Variants in CUL2 observed in about 807,000 individuals in gnomAD.
The protein encoded by CUL2 is cullin 2.
Under a neutral mutation model 110.2 loss-of-function variants are expected in CUL2, and 22 were observed. That is an observed-to-expected ratio of 0.20 (90% CI 0.14 to 0.28). The LOEUF is 0.28. Ranked by LOEUF, CUL2 falls within the 10% of genes least tolerant of loss-of-function variation. The pLI is 1.00. For missense variants in CUL2, 631 were observed against 905.5 expected (o/e 0.70, Z 3.89); for synonymous variants, 279 against 293.2 (o/e 0.95, Z 0.49).
intron 2 of CUL2, among the ~76,000 whole-genome samples, chr10:35,070,874 A>C (rs1273245350): frequency 6.6e-6 from 1 of 152,204 alleles, no homozygotes; most frequent in Non-Finnish European, 1.5e-5. Flanking sequence ...TCTTCTTGAA[A>C]GCAATGACAT....
chr10:35,059,373 C>T (rs1259272957), intron 4 of CUL2, among the ~76,000 whole-genome samples: 1 of 152,146 alleles, frequency 6.6e-6, no homozygotes, highest in Admixed American at 6.5e-5. Flanking sequence ...CAACCACCAC[C>T]ATGATCAGTC....
chr10:35,016,834 G>A (rs1321123968), intron 17 of CUL2, among the ~76,000 whole-genome samples: 1 of 151,064 alleles, frequency 6.6e-6, no homozygotes, highest in Non-Finnish European at 1.5e-5. Flanking sequence ...GGCTGAGGCA[G>A]GAAAATCACT....
chr10:35,044,919 G>T, intron 6 of CUL2, 51 bp from the exon 7 acceptor site: 2 of 1,385,004 alleles, frequency 1.4e-6, no homozygotes, highest in Non-Finnish European at 2.0e-6. Flanking sequence ...ATTATCTATG[G>T]AAATATACCC....
At chr10:35,032,311 T>A in intron 12 of CUL2, 124 bp downstream of exon 12, 1 of 762,716 alleles carries the variant, frequency 1.3e-6, no homozygotes, top group Non-Finnish European at 2.2e-6. Flanking sequence ...ATATACAATG[T>A]AGATAATTTT....
chr10:35,110,521 C>T (rs2087512283), intron 1 of CUL2, among the ~76,000 whole-genome samples: 2 of 152,270 alleles, frequency 1.3e-5, no homozygotes, highest in Admixed American at 1.3e-4. Flanking sequence ...GCTAAGATCA[C>T]ACCACTGCAC....
At chr10:35,047,444 A>G (rs1222675314) in intron 6 of CUL2, among the ~76,000 whole-genome samples, 3 of 150,086 alleles carry the variant, frequency 2.0e-5, no homozygotes, top group African/African-American at 7.5e-5. Context: ...CCCCGTCTCC[A>G]CTAAAAAAAA....
chr10:35,119,242 G>C (rs1236411082), intron 1 of CUL2, among the ~76,000 whole-genome samples: 1 of 152,172 alleles, frequency 6.6e-6, no homozygotes, highest in African/African-American at 2.4e-5. Context: ...GAGGAGGTAA[G>C]GCTCAGTTTC....
intron 1 of CUL2, among the ~76,000 whole-genome samples, chr10:35,080,347 T>C (rs1162748550): frequency 6.6e-6 from 1 of 152,212 alleles, no homozygotes; most frequent in African/African-American, 2.4e-5. Context: ...GCAATGTTTT[T>C]TGTTGCACTA....
At chr10:35,067,743 C>CA (rs758160456) in intron 2 of CUL2, among the ~76,000 whole-genome samples, 2,350 of 115,924 alleles carry the variant, frequency 0.02, 67 homozygotes, top group African/African-American at 0.061. Flanking sequence ...GACCCTGCCA[C>CA]AAAAAAAAAA....
At chr10:35,079,001 C>T (rs546471159) in intron 1 of CUL2, among the ~76,000 whole-genome samples, 1 of 152,230 alleles carries the variant, frequency 6.6e-6, no homozygotes, top group East Asian at 1.9e-4. Context: ...TGAGAAAATA[C>T]TGAAGACCCA....
chr10:35,089,306 A>G (rs1208269023), intron 1 of CUL2, among the ~76,000 whole-genome samples: 1 of 152,250 alleles, frequency 6.6e-6, no homozygotes, highest in East Asian at 1.9e-4. Flanking sequence ...AAGGAATGTA[A>G]GATTCTAAAG....
In CUL2 at chr10:35,010,303, G is replaced by A; in HGVS notation, c.*8C>T. 1 of 1,602,758 alleles carries A rather than the reference G, an allele frequency of 6.2e-7. No individual in the cohort carries two copies. The highest frequency in any genetic ancestry group is 1.1e-5 in the South Asian group (1 of 89,524). On this transcript the variant is annotated 3_prime_UTR_variant, in exon 21 of 21. Coordinates refer to ENST00000374749, the MANE Select transcript of CUL2 (RefSeq NM_003591.4). Reference sequence around the variant, plus strand: ...GATCTTCTCACACCACGCTGGAGGAGAGCGACATCACGCGACGTAGCTGTA... The same window carrying A: ...GATCTTCTCACACCACGCTGGAGGAAAGCGACATCACGCGACGTAGCTGTA...
chr10:35,041,855 T>C (rs2085798621), intron 8 of CUL2, among the ~76,000 whole-genome samples: 1 of 152,156 alleles, frequency 6.6e-6, no homozygotes, highest in Admixed American at 6.6e-5. Context: ...GCTTTTCTAA[T>C]AAACATTCTT....
intron 2 of CUL2, among the ~76,000 whole-genome samples, chr10:35,097,100 G>A (rs1406477117): frequency 1.3e-5 from 2 of 152,092 alleles, no homozygotes; most frequent in African/African-American, 4.8e-5. Flanking sequence ...GTGAGCCACC[G>A]TGCCCAGCCT....
At chr10:35,044,109 GAACTT>G (rs2085874283) in intron 8 of CUL2, among the ~76,000 whole-genome samples, 1 of 133,180 alleles carries the variant, frequency 7.5e-6, no homozygotes, top group South Asian at 2.5e-4. Context: ...AGCCTTTCAA[GAACTT>G]AACAGACCAA....
intron 1 of CUL2, among the ~76,000 whole-genome samples, chr10:35,108,318 G>A (rs2087487987): frequency 6.6e-6 from 1 of 151,852 alleles, no homozygotes; most frequent in Non-Finnish European, 1.5e-5. Flanking sequence ...TTAGTGGGGT[G>A]TTGTGGTGTG....
At chr10:35,108,580 G>A (rs2087492106) in intron 1 of CUL2, among the ~76,000 whole-genome samples, 1 of 152,214 alleles carries the variant, frequency 6.6e-6, no homozygotes, top group Admixed American at 6.5e-5. Flanking sequence ...AATTGAGGTA[G>A]GAGGAAGTTA....
At chr10:35,103,368 AG>A (rs1302183890) in intron 1 of CUL2, among the ~76,000 whole-genome samples, 1 of 123,710 alleles carries the variant, frequency 8.1e-6, no homozygotes, top group African/African-American at 3.0e-5. Flanking sequence ...TCTGTCGCCC[AG>A]GCTGGAGCGC....
intron 4 of CUL2, among the ~76,000 whole-genome samples, chr10:35,059,526 C>T (rs997200226): frequency 6.6e-6 from 1 of 152,200 alleles, no homozygotes; most frequent in Admixed American, 6.5e-5. Flanking sequence ...CTACTGCACA[C>T]TTAACAGACT....
Sources: allele counts gnomAD v4.1 joint callset (sites outside exome capture counted in the v4.1 genomes callset), GRCh38; gene constraint gnomAD v4.1.1; transcripts MANE v1.5; gene names NCBI Gene and HGNC (gene_info 2026-07-23, HGNC 2026-07-21).